LRRC7: variants seen among roughly 807,000 people sequenced by gnomAD.
LRRC7 encodes leucine rich repeat containing 7, also known as leucine-rich repeat-containing protein 7.
LRRC7 carries 23 observed loss-of-function variants against 175.7 expected under a neutral mutation model. The ratio of observed to expected loss-of-function variants is 0.13; its 90% CI spans 0.09 to 0.19. The LOEUF (loss-of-function observed/expected upper bound fraction) is 0.19. Among genes scored for constraint, LRRC7 ranks in the 10% least tolerant of loss-of-function variants. The pLI is 1.00. For missense variants in LRRC7, 1,354 were observed against 1,904.7 expected, an observed-to-expected ratio of 0.71 and a Z score of 5.38; for synonymous variants, 685 against 680.9, an observed-to-expected ratio of 1.01 and a Z score of -0.09.
intron 17 of LRRC7, among the ~76,000 whole-genome samples, chr1:70,026,301 C>A (rs1658092480): frequency 6.6e-6 from 1 of 151,912 alleles, no homozygotes; most frequent in East Asian, 1.9e-4. Flanking sequence ...ATAAAATGTT[C>A]TTAATTGGCA....
At chr1:69,981,425 T>G (rs1272636011) in intron 9 of LRRC7, among the ~76,000 whole-genome samples, 1 of 152,192 alleles carries the variant, frequency 6.6e-6, no homozygotes, top group African/African-American at 2.4e-5. Context: ...GGAAAAATAA[T>G]TAATGCTTTT....
intron 11 of LRRC7, among the ~76,000 whole-genome samples, chr1:69,999,994 G>A (rs1341376585): frequency 6.6e-6 from 1 of 152,102 alleles, no homozygotes; most frequent in Non-Finnish European, 1.5e-5. Context: ...TCTAGTTCTG[G>A]ACTCATTCTT....
chr1:69,801,934 CA>C (rs1676554671), intron 4 of LRRC7, among the ~76,000 whole-genome samples: 1 of 150,514 alleles, frequency 6.6e-6, no homozygotes, highest in South Asian at 2.1e-4. Context: ...TCATTCATTT[CA>C]AAATTTTTTT....
intron 8 of LRRC7, among the ~76,000 whole-genome samples, chr1:69,974,986 T>A (rs563609381): frequency 1.5e-4 from 23 of 152,148 alleles, no homozygotes; most frequent in Non-Finnish European, 2.6e-4. Flanking sequence ...CCAGAGGAAA[T>A]TATTATCAGA....
chr1:69,836,346 A>G (rs1681103113), intron 6 of LRRC7, among the ~76,000 whole-genome samples: 1 of 152,014 alleles, frequency 6.6e-6, no homozygotes, highest in African/African-American at 2.4e-5. Context: ...GCATTTCATC[A>G]TTCATCCACA....
At chr1:69,770,070 A>G (rs1557704063) in intron 3 of LRRC7, among the ~76,000 whole-genome samples, 1 of 152,118 alleles carries the variant, frequency 6.6e-6, no homozygotes, top group Non-Finnish European at 1.5e-5. Flanking sequence ...GGGCCACACA[A>G]TGCTGATTTT....
At chr1:69,618,137 T>C (rs1288330530) in intron 1 of LRRC7, among the ~76,000 whole-genome samples, 2 of 152,008 alleles carry the variant, frequency 1.3e-5, no homozygotes, top group Non-Finnish European at 2.9e-5. Context: ...CTCATTTTTT[T>C]CCCCCGCAGG....
At chr1:69,717,876 A>AAGAG (rs1163643702) in intron 2 of LRRC7, among the ~76,000 whole-genome samples, 2 of 117,554 alleles carry the variant, frequency 1.7e-5, no homozygotes, top group African/African-American at 2.9e-5. Flanking sequence ...GAAAGAAAGA[A>AAGAG]AGAGAGAAAA....
intron 25 of LRRC7, among the ~76,000 whole-genome samples, chr1:70,106,370 C>T (rs1665144192): frequency 6.6e-6 from 1 of 152,170 alleles, no homozygotes; most frequent in Non-Finnish European, 1.5e-5. Context: ...TGATATTTCA[C>T]ATAAATGGAA....
At chr1:69,736,076 TTAA>T (rs1227143134) in intron 2 of LRRC7, among the ~76,000 whole-genome samples, 1 of 152,292 alleles carries the variant, frequency 6.6e-6, no homozygotes, top group Non-Finnish European at 1.5e-5. Flanking sequence ...GTTCCATTTT[TTAA>T]TAATAATTTT....
intron 8 of LRRC7, among the ~76,000 whole-genome samples, chr1:69,933,495 G>T (rs1200997409): frequency 3.3e-5 from 5 of 152,126 alleles, no homozygotes; most frequent in Non-Finnish European, 7.4e-5. Context: ...ATTAAGACAT[G>T]TAGGTCAGCC....
chr1:69,993,751 A>G (rs1654665428), intron 10 of LRRC7, among the ~76,000 whole-genome samples: 1 of 152,206 alleles, frequency 6.6e-6, no homozygotes, highest in South Asian at 2.1e-4. Context: ...TGTAGTTCCA[A>G]TGTAAAACAA....
At chr1:70,016,089 C>T (rs540499441) in intron 13 of LRRC7, among the ~76,000 whole-genome samples, 9 of 152,014 alleles carry the variant, frequency 5.9e-5, no homozygotes, top group Non-Finnish European at 8.8e-5. Context: ...TGAATAGATA[C>T]GTGGGATTCA....
intron 1 of LRRC7, among the ~76,000 whole-genome samples, chr1:69,575,571 A>C (rs1244242693): frequency 1.3e-5 from 2 of 152,182 alleles, no homozygotes; most frequent in African/African-American, 4.8e-5. Context: ...TTATTTAAGA[A>C]ATGTGGAATT....
At chr1:69,978,050 AG>A (rs1351789633) in intron 8 of LRRC7, among the ~76,000 whole-genome samples, 1 of 152,190 alleles carries the variant, frequency 6.6e-6, no homozygotes, top group Non-Finnish European at 1.5e-5. Context: ...AAACAAAAAA[AG>A]CATTGGGAGG....
chr1:69,817,237 T>TTA (rs917814197), intron 4 of LRRC7, among the ~76,000 whole-genome samples: 132 of 151,288 alleles, frequency 8.7e-4, no homozygotes, highest in East Asian at 5.4e-3. Context: ...GTTTCAGGTC[T>TTA]TATATATATA....
At chr1:70,063,514 T>G (rs1220951900) in intron 23 of LRRC7, among the ~76,000 whole-genome samples, 4 of 151,970 alleles carry the variant, frequency 2.6e-5, no homozygotes, top group Non-Finnish European at 5.9e-5. Flanking sequence ...CTCCTGGGGG[T>G]TCTTCACTGT....
intron 8 of LRRC7, among the ~76,000 whole-genome samples, chr1:69,950,570 A>T (rs1649812057): frequency 6.6e-6 from 1 of 152,150 alleles, no homozygotes; most frequent in African/African-American, 2.4e-5. Flanking sequence ...ATAATATATT[A>T]GGGCCTACAT....
At chr1:70,066,757 A>G (rs746657288) in intron 23 of LRRC7, among the ~76,000 whole-genome samples, 1 of 152,068 alleles carries the variant, frequency 6.6e-6, no homozygotes, top group Non-Finnish European at 1.5e-5. Context: ...CAGGAATACA[A>G]CTGCTGGATC....
Sources: gnomAD v4.1 joint callset for allele counts (sites outside exome capture counted in the v4.1 genomes callset) on GRCh38, gnomAD v4.1.1 for gene constraint, MANE v1.5 for transcripts, NCBI Gene and HGNC (gene_info 2026-07-23, HGNC 2026-07-21) for gene names.